PCSK9: variants seen among roughly 807,000 people sequenced by gnomAD.
PCSK9 encodes proprotein convertase subtilisin/kexin type 9, also known as convertase subtilisin/kexin type 9 preproprotein.
PCSK9 carries 57 observed loss-of-function variants against 62.1 expected under a neutral mutation model. That is an observed-to-expected ratio of 0.92 (90% CI 0.74 to 1.14). PCSK9 has a LOEUF of 1.14. PCSK9 is among the 50% of genes most tolerant of loss of function. The pLI is 0.00. For missense variants in PCSK9, 870 were observed against 959.8 expected, an observed-to-expected ratio of 0.91 and a Z score of 1.24; for synonymous variants, 387 against 409.4, an observed-to-expected ratio of 0.95 and a Z score of 0.66.
chr1:55,062,512 T>A (rs1370849796), intron 11 of PCSK9, among the ~76,000 whole-genome samples: 4 of 152,164 alleles, frequency 2.6e-5, no homozygotes, highest in East Asian at 1.9e-4. Flanking sequence ...AAACCATTAA[T>A]ATAGAGTACT....
intron 2 of PCSK9, among the ~76,000 whole-genome samples, chr1:55,046,313 G>T (rs1476291583): frequency 1.3e-5 from 2 of 152,188 alleles, no homozygotes; most frequent in Non-Finnish European, 2.9e-5. Flanking sequence ...CGTGTTGCAG[G>T]GATATGGGAG....
chr1:55,050,336 T>A (rs1365342106), intron 3 of PCSK9, among the ~76,000 whole-genome samples: 1 of 152,204 alleles, frequency 6.6e-6, no homozygotes, highest in African/African-American at 2.4e-5. Flanking sequence ...CCCAGCTCAA[T>A]ATCTAGTGGT....
chr1:55,057,926 G>A (rs1229207743), intron 7 of PCSK9, 110 bp from the exon 8 acceptor site: 1 of 1,444,580 alleles, frequency 6.9e-7, no homozygotes, highest in African/African-American at 1.4e-5. Flanking sequence ...TAGTGTCTGT[G>A]TGCACGTGTG....
rs1644638067 is a variant in PCSK9 at position 55,046,716 on chromosome 1, C to G, written c.523+70C>G. 13 of 1,587,514 alleles carry G rather than the reference C, an allele frequency of 8.2e-6. No individual in the cohort carries two copies. In the South Asian group the frequency reaches 1.4e-4, roughly 18 times the overall value. On this transcript the variant is annotated intron_variant, in intron 3 of 11. Transcript: ENST00000302118. ...TCCATTTGCTCTGCCCTGGCCTGGC[C>G]TCCCTGCTGGTGGTTTCCACTTCTC...
Position 55,039,566 on chromosome 1 carries a change from A to C in PCSK9, c.-272A>C. ...TTTCCGCAGCGACGTCGAGGCGCTCATGGTTGCAGGCGGGCGCCGCCGTTC... is the reference window on the plus strand; with the variant it reads ...TTTCCGCAGCGACGTCGAGGCGCTCCTGGTTGCAGGCGGGCGCCGCCGTTC... On this transcript the variant is annotated 5_prime_UTR_variant, in exon 1 of 12. It removes an upstream start codon present in the reference 5' UTR. Coordinates refer to ENST00000302118, the MANE Select transcript of PCSK9 (RefSeq NM_174936.4). 1.8e-6 allele frequency: 1 copy of C among 565,478 alleles called. No individual in the cohort carries two copies. The highest frequency in any genetic ancestry group is 3.2e-6 in the Non-Finnish European group (1 of 317,072). 35.0% of individuals were successfully genotyped at this position (565,478 alleles called of 1,614,324 possible). A position where few individuals can be genotyped will look rare whatever the true frequency, so the allele number is the denominator to read the frequency against.
intron 3 of PCSK9, among the ~76,000 whole-genome samples, chr1:55,047,959 G>T (rs1267290920): frequency 1.3e-5 from 2 of 152,140 alleles, no homozygotes; most frequent in Admixed American, 6.5e-5. Context: ...AGACCAAGAG[G>T]GACACTGGCA....
chr1:55,058,539 G>C lies in PCSK9; in HGVS notation c.1395G>C (p.Ser465=). 1 of 1,611,968 alleles carries C rather than the reference G, an allele frequency of 6.2e-7. No homozygotes were observed. The highest frequency in any genetic ancestry group is 8.5e-7 in the Non-Finnish European group (1 of 1,179,882). Reference sequence around the variant, plus strand: ...GCAGGACTGTATGGTCAGCACACTCGGGGCCTACACGGATGGCCACAGCCG... The same window carrying C: ...GCAGGACTGTATGGTCAGCACACTCCGGGCCTACACGGATGGCCACAGCCG... The part of the protein sequence containing the change: ...LFCRTVWSAH[S]GPTRMATAVA... Residue 465 remains serine, a synonymous_variant, in exon 9 of 12, where the codon TCG becomes TCC. Coordinates refer to ENST00000302118, the MANE Select transcript of PCSK9 (RefSeq NM_174936.4).
At chr1:55,041,042 G>T (rs1644595182) in intron 1 of PCSK9, among the ~76,000 whole-genome samples, 1 of 152,204 alleles carries the variant, frequency 6.6e-6, no homozygotes, top group African/African-American at 2.4e-5. Context: ...TTATCCTTGA[G>T]CCTCCATTGC....
chr1:55,051,086 G>A (rs1398676346), intron 3 of PCSK9: 2 of 454,216 alleles, frequency 4.4e-6, no homozygotes, highest in African/African-American at 2.0e-5. Flanking sequence ...CAGAGCCTTC[G>A]CTGCTGAGTC....
Position 55,064,669 on chromosome 1 carries a change from G to A in PCSK9, c.*1085G>A, listed in dbSNP as rs886046450. Reference sequence around the variant, plus strand: ...AGGGCCAACAACTGTCCCTCCTTGAGCACCAGCCCCACCCAAGCAAGCAGA... The same window carrying A: ...AGGGCCAACAACTGTCCCTCCTTGAACACCAGCCCCACCCAAGCAAGCAGA... On this transcript the variant is annotated 3_prime_UTR_variant, in exon 12 of 12. Transcript: ENST00000302118. 7 of 152,200 alleles carry A rather than the reference G, an allele frequency of 4.6e-5. No individual in the cohort carries two copies. The highest frequency in any genetic ancestry group is 7.2e-5 in the African/African-American group (3 of 41,436). 9.4% of individuals were successfully genotyped at this position (152,200 alleles called of 1,614,324 possible). A position where few individuals can be genotyped will look rare whatever the true frequency, so the allele number is the denominator to read the frequency against.
Position 55,040,002 on chromosome 1 carries a change from A to T in PCSK9, c.165A>T (p.Ala55=), listed in dbSNP as rs1277316217. 4 of 1,577,648 alleles carry T rather than the reference A, an allele frequency of 2.5e-6. No individual in the cohort carries two copies. Among genetic ancestry groups the T allele is most frequent in the Non-Finnish European group, 3.4e-6 (4 of 1,162,604 alleles). ...LRSEEDGLAE[A]PEHGTTATFH... ...CCGAGGAGGACGGCCTGGCCGAAGC[A>T]CCCGAGCACGGAACCACAGCCACCT... Residue 55 remains alanine, a synonymous_variant, in exon 1 of 12, where the codon GCA becomes GCT. Coordinates refer to ENST00000302118, the MANE Select transcript of PCSK9 (RefSeq NM_174936.4). This position sits in a 1 kb window ranked among gnomAD's most constrained non-coding sequence, Gnocchi z 4.1.
chr1:55,044,149 G>A lies in PCSK9; in HGVS notation c.399+115G>A. On this transcript the variant is annotated intron_variant, in intron 2 of 11. Transcript: ENST00000302118. ...AAAATCAGAAGGGGACAGCAAGTAT[G>A]TATTGAGCACTTATCGGGTACCAAG... 5 of 1,236,818 alleles carry A rather than the reference G, an allele frequency of 4.0e-6. No individual in the cohort carries two copies. The South Asian group carries it at 6.4e-5, about 16-fold the overall frequency. 76.6% of individuals were successfully genotyped at this position (1,236,818 alleles called of 1,614,324 possible). A position where few individuals can be genotyped will look rare whatever the true frequency, so the allele number is the denominator to read the frequency against.
In PCSK9 at chr1:55,058,566, C is replaced by T. The variant is rs373517174; in HGVS notation, c.1422C>T (p.Val474=). The T allele has an allele frequency of 1.7e-5, 28 of 1,611,980 alleles. No individual in the cohort carries two copies. The highest frequency in any genetic ancestry group is 4.4e-5 in the South Asian group (4 of 91,002). Residue 474 remains valine (V), a synonymous_variant, in exon 9 of 12, where the codon GTC becomes GTT. Transcript: ENST00000302118. Reference sequence around the variant, plus strand: ...GGCCTACACGGATGGCCACAGCCGTCGCCCGCTGCGCCCCAGATGAGGAGC... The same window carrying T: ...GGCCTACACGGATGGCCACAGCCGTTGCCCGCTGCGCCCCAGATGAGGAGC... ...HSGPTRMATA[V]ARCAPDEELL...
chr1:55,055,918 C>A, intron 5 of PCSK9, 75 bp from the exon 6 acceptor site: 1 of 1,412,476 alleles, frequency 7.1e-7, no homozygotes, highest in South Asian at 1.3e-5. Context: ...AACCATCACT[C>A]TGTGCCTGTA....
rs1278890129 is a variant in PCSK9, at chr1:55,039,979, G to T, written c.142G>T (p.Glu48Ter). 6.3e-7 allele frequency: 1 copy of T among 1,581,050 alleles called. No homozygotes were observed. The highest frequency in any genetic ancestry group is 8.6e-7 in the Non-Finnish European group (1 of 1,164,418). Residue 48 changes from glutamate (E) to a stop codon, truncating the protein, a stop_gained, in exon 1 of 12, where the codon GAG becomes TAG. Transcript: ENST00000302118. LOFTEE classifies it high-confidence loss of function. Reference protein sequence around the residue: ...YEELVLALRSEEDGLAEAPEH... With the variant: ...YEELVLALRS ...GGAGCTGGTGCTAGCCTTGCGTTCCGAGGAGGACGGCCTGGCCGAAGCACC... is the reference window on the plus strand; with the variant it reads ...GGAGCTGGTGCTAGCCTTGCGTTCCTAGGAGGACGGCCTGGCCGAAGCACC...
In PCSK9 at chr1:55,058,488, C is replaced by T. The variant is rs1466934885; in HGVS notation, c.1355-11C>T. 2 of 1,612,198 alleles carry T rather than the reference C, an allele frequency of 1.2e-6. No individual in the cohort carries two copies. The highest frequency in any genetic ancestry group is 8.5e-7 in the Non-Finnish European group (1 of 1,180,028). On this transcript the variant is annotated splice_polypyrimidine_tract_variant and intron_variant, in intron 8 of 11. Transcript: ENST00000302118. The stretch of plus-strand genomic sequence containing the variant: ...CCAGCACCCCCTCCTCATCCCAGGC[C>T]CTTTTTGCAGGTTGGCAGCTGTTTT...
chr1:55,059,697 G>T lies in PCSK9; in HGVS notation c.1681+34G>T, dbSNP rs904381288. ...CTGGGCTTGCCCTGGGGTGAGGAGGGGTCTCTTTCTCCTTATGCACCCACT... is the reference window on the plus strand; with the variant it reads ...CTGGGCTTGCCCTGGGGTGAGGAGGTGTCTCTTTCTCCTTATGCACCCACT... On this transcript the variant is annotated intron_variant, in intron 10 of 11. Transcript: ENST00000302118. 3.1e-5 allele frequency: 48 copies of T among 1,545,910 alleles called. No individual in the cohort carries two copies. The Middle Eastern group carries it at 9.0e-4, about 29-fold the overall frequency.
chr1:55,051,261 C>A, intron 3 of PCSK9: 2 of 454,456 alleles, frequency 4.4e-6, no homozygotes, highest in Non-Finnish European at 8.8e-6. Flanking sequence ...ACTCAGGAGA[C>A]CCTGGGGCAG....
rs1166005113 is a variant in PCSK9, at chr1:55,040,475, A to G, written c.207+431A>G. Among the ~76,000 whole-genome samples, 1 of 152,024 alleles carries G rather than the reference A, an allele frequency of 6.6e-6. No homozygotes were observed. The highest frequency in any genetic ancestry group is 1.9e-4 in the East Asian group (1 of 5,174). On this transcript the variant is annotated intron_variant, in intron 1 of 11. Coordinates refer to ENST00000302118, the MANE Select transcript of PCSK9 (RefSeq NM_174936.4). This position sits in a 1 kb window ranked among gnomAD's most constrained non-coding sequence, Gnocchi z 4.1. Reference sequence around the variant, plus strand: ...GCACAGAGAAAGCGGGCTTGCCATTATAGTGGGTTCCGATTTGGTTTGGAA... The same window carrying G: ...GCACAGAGAAAGCGGGCTTGCCATTGTAGTGGGTTCCGATTTGGTTTGGAA...
Sources: allele counts gnomAD v4.1 joint callset (sites outside exome capture counted in the v4.1 genomes callset), GRCh38; gene constraint gnomAD v4.1.1; non-coding constraint Gnocchi (gnomAD v3.1); transcripts MANE v1.5; gene names NCBI Gene and HGNC (gene_info 2026-07-23, HGNC 2026-07-21).